THSD7B: variants seen among roughly 807,000 people sequenced by gnomAD.
THSD7B encodes the protein thrombospondin type-1 domain-containing protein 7B.
THSD7B carries 138 observed loss-of-function variants against 213.6 expected under a neutral mutation model. The ratio of observed to expected loss-of-function variants is 0.65; its 90% confidence interval spans 0.56 to 0.74. THSD7B has a LOEUF of 0.74. THSD7B is among the 30% of genes least tolerant of loss of function. The pLI is 0.00. For synonymous variants in THSD7B, 742 were observed against 687.0 expected (o/e 1.08, Z -1.25); for missense variants, 1,931 against 1,991.5 (o/e 0.97, Z 0.58).
intron 7 of THSD7B, among the ~76,000 whole-genome samples, chr2:137,216,405 G>T (rs112745021): frequency 2.0e-5 from 3 of 151,750 alleles, no homozygotes; most frequent in African/African-American, 7.3e-5. Flanking sequence ...TATCACACAC[G>T]CTCTTCTTCC....
intron 3 of THSD7B, among the ~76,000 whole-genome samples, chr2:137,074,910 G>A (rs1375196568): frequency 6.6e-6 from 1 of 152,124 alleles, no homozygotes; most frequent in Admixed American, 6.6e-5. Flanking sequence ...GTTAAATATT[G>A]GCCCCCACTC....
In THSD7B at chr2:137,676,605, A is replaced by G. The variant is rs775684139; in HGVS notation, c.4821A>G (p.Ter1607=). The change falls in exon 28 of 28, where the codon TAA becomes TAG. Residue 1607 remains the stop codon, a stop_retained_variant. Coordinates refer to ENST00000409968, the MANE Select transcript of THSD7B (RefSeq NM_001316349.2). Reference sequence around the variant, plus strand: ...CCTACGATGGAGACTTAGACATGTAATCTGAAAAAGAAATCCAAATGTAGA... The same window carrying G: ...CCTACGATGGAGACTTAGACATGTAGTCTGAAAAAGAAATCCAAATGTAGA... ...TLAYDGDLDM[*] 1.3e-5 allele frequency: 20 copies of G among 1,570,110 alleles called. No individual in the cohort carries two copies. The highest frequency in any genetic ancestry group is 1.6e-5 in the Non-Finnish European group (18 of 1,161,188).
At chr2:137,266,663 C>T (rs891739701) in intron 10 of THSD7B, among the ~76,000 whole-genome samples, 32 of 152,274 alleles carry the variant, frequency 2.1e-4, no homozygotes, top group Non-Finnish European at 3.7e-4. Flanking sequence ...TGTTAGAATT[C>T]TGCAGGTTGC....
chr2:137,653,147 G>A (rs1265648401), intron 21 of THSD7B, among the ~76,000 whole-genome samples: 1 of 152,116 alleles, frequency 6.6e-6, no homozygotes, highest in African/African-American at 2.4e-5. Context: ...TTGTTTGTCT[G>A]TAAAGGACTT....
intron 2 of THSD7B, among the ~76,000 whole-genome samples, chr2:136,904,283 A>T (rs1239924123): frequency 6.6e-6 from 1 of 152,068 alleles, no homozygotes; most frequent in Non-Finnish European, 1.5e-5. Flanking sequence ...AGTGTGGGAA[A>T]GTGTCTGAGT....
At position 136,927,558 on chromosome 2, in the gene THSD7B, T is replaced by G. The variant is rs1684561100; in HGVS notation, c.139+45241T>G. Among the ~76,000 whole-genome samples the G allele has an allele frequency of 5.3e-5, 8 of 152,224 alleles. 1 individual carries two copies. Among genetic ancestry groups the G allele is most frequent in the Admixed American group, 5.2e-4 (8 of 15,274 alleles). On this transcript the variant is annotated intron_variant, in intron 2 of 27. Coordinates refer to ENST00000409968, the MANE Select transcript of THSD7B (RefSeq NM_001316349.2). ...TCAATGTTGAACAGATAAGGTCACC[T>G]ATGTACCTAGCAAAAGGCTTAATTT...
intron 12 of THSD7B, among the ~76,000 whole-genome samples, chr2:137,341,056 C>A (rs775440369): frequency 1.3e-5 from 2 of 150,504 alleles, no homozygotes; most frequent in African/African-American, 4.9e-5. Flanking sequence ...TACCTTCCCA[C>A]CAACAGTTCC....
rs564628599 is a variant in THSD7B, at chr2:136,948,906, A to ATAC, written c.139+66591_139+66592insCTA. Among the ~76,000 whole-genome samples, 26 of 152,262 alleles carry ATAC rather than the reference A, an allele frequency of 1.7e-4. No individual in the cohort carries two copies. In the East Asian group the frequency reaches 2.3e-3, roughly 14 times the overall value. On this transcript the variant is annotated intron_variant, in intron 2 of 27. Coordinates refer to ENST00000409968, the MANE Select transcript of THSD7B (RefSeq NM_001316349.2). ...TTTTTGTTCTTATGTGGTAATAATA[A>ATAC]TAATAATAGAGATATATCTTAGAAT... is the stretch of plus-strand genomic sequence containing the variant.
At position 137,173,642 on chromosome 2, in the gene THSD7B, C is replaced by T. The variant is rs946274291; in HGVS notation, c.1723+2704C>T. Among the ~76,000 whole-genome samples the T allele has an allele frequency of 4.6e-5, 7 of 152,124 alleles. No individual in the cohort carries two copies. The East Asian group carries it at 1.2e-3, about 25-fold the overall frequency. ...TGGTTTTTAAATACCTGAATGACTC[C>T]CTCATCGTTTGTGGGGCAATGGCCA... On this transcript the variant is annotated intron_variant, in intron 7 of 27. Coordinates refer to ENST00000409968, the MANE Select transcript of THSD7B (RefSeq NM_001316349.2).
chr2:137,457,827 A>G (rs750350014), intron 15 of THSD7B, among the ~76,000 whole-genome samples: 2 of 152,318 alleles, frequency 1.3e-5, no homozygotes, highest in South Asian at 4.1e-4. Flanking sequence ...AGTTTGTGGA[A>G]AAATGGAATT....
At chr2:136,935,397 C>T (rs533389443) in intron 2 of THSD7B, among the ~76,000 whole-genome samples, 1 of 152,208 alleles carries the variant, frequency 6.6e-6, no homozygotes, top group African/African-American at 2.4e-5. Flanking sequence ...AGAGGAGACT[C>T]TATAGAAAGT....
At chr2:137,631,288 T>C (rs373975688) in intron 20 of THSD7B, among the ~76,000 whole-genome samples, 5 of 152,328 alleles carry the variant, frequency 3.3e-5, no homozygotes, top group East Asian at 3.9e-4. Context: ...TTTTGTCTCT[T>C]GAATTTTCAT....
intron 2 of THSD7B, among the ~76,000 whole-genome samples, chr2:136,965,817 T>A (rs939533559): frequency 6.6e-6 from 1 of 152,190 alleles, no homozygotes; most frequent in African/African-American, 2.4e-5. Context: ...TTATTTTATT[T>A]TCAGTTTTCT....
chr2:136,897,657 C>T (rs1683984654), intron 2 of THSD7B, among the ~76,000 whole-genome samples: 1 of 152,210 alleles, frequency 6.6e-6, no homozygotes, highest in Non-Finnish European at 1.5e-5. Flanking sequence ...CTTTTATTCC[C>T]TTATTTGACC....
At chr2:137,439,610 G>A (rs1687359496) in intron 14 of THSD7B, among the ~76,000 whole-genome samples, 1 of 152,042 alleles carries the variant, frequency 6.6e-6, no homozygotes, top group Non-Finnish European at 1.5e-5. Context: ...CATTACCAGA[G>A]AGCTGTGTAA....
rs571417630 is a variant in THSD7B, at chr2:137,597,005, C to T, written c.3424-19170C>T. Among the ~76,000 whole-genome samples, 6 of 152,030 alleles carry T rather than the reference C, an allele frequency of 3.9e-5. No individual in the cohort carries two copies. In the East Asian group the frequency reaches 9.7e-4, roughly 25 times the overall value. On this transcript the variant is annotated intron_variant, in intron 17 of 27. Transcript: ENST00000409968. ...ATTAGTTTCGTAAATATTTAAGAAA[C>T]CATTGTGTGGTTTTTCACCAGAAAG...
intron 15 of THSD7B, among the ~76,000 whole-genome samples, chr2:137,493,017 A>G (rs1679462641): frequency 7.0e-6 from 1 of 143,780 alleles, no homozygotes; most frequent in Admixed American, 7.2e-5. Flanking sequence ...GCTACTTGGG[A>G]GGCTGAGGAG....
chr2:137,465,427 A>G (rs1279854692), intron 15 of THSD7B, among the ~76,000 whole-genome samples: 2 of 152,064 alleles, frequency 1.3e-5, no homozygotes, highest in African/African-American at 4.8e-5. Context: ...CTCTTCCTGG[A>G]CCAATTAAAT....
In THSD7B at chr2:137,283,642, A is replaced by C. The variant is rs542465787; in HGVS notation, c.2500+7616A>C. Among the ~76,000 whole-genome samples the C allele has an allele frequency of 9.8e-5, 15 of 152,318 alleles. No homozygotes were observed. The East Asian group carries it at 1.9e-3, about 20-fold the overall frequency. On this transcript the variant is annotated intron_variant, in intron 12 of 27. Transcript: ENST00000409968. ...GAATTTTGTCAAAGGCCTTTTCTGCATCTGTTGAGATAATCATGTGGTTTT... is the reference window on the plus strand; with the variant it reads ...GAATTTTGTCAAAGGCCTTTTCTGCCTCTGTTGAGATAATCATGTGGTTTT...
Sources: allele counts gnomAD v4.1 joint callset (sites outside exome capture counted in the v4.1 genomes callset), GRCh38; gene constraint gnomAD v4.1.1; transcripts MANE v1.5; gene names NCBI Gene and HGNC (gene_info 2026-07-23, HGNC 2026-07-21).